PLLP: variants seen among roughly 807,000 people sequenced by gnomAD.
PLLP encodes plasma membrane proteolipid (plasmolipin).
A neutral mutation model predicts 19.7 loss-of-function variants in PLLP; 15 were observed. The ratio of observed to expected loss-of-function variants is 0.76; its 90% CI spans 0.51 to 1.17. PLLP has a LOEUF of 1.17. Ranked by LOEUF, PLLP falls within the 50% of genes most tolerant of loss-of-function variation. PLLP has a pLI of 0.00. For synonymous variants in PLLP, 111 were observed against 116.3 expected (o/e 0.95, Z 0.29); for missense variants, 255 against 258.3 (o/e 0.99, Z 0.09).
chr16:57,262,271 G>C (rs1210327300), intron 1 of PLLP, among the ~76,000 whole-genome samples: 1 of 152,130 alleles, frequency 6.6e-6, no homozygotes, highest in African/African-American at 2.4e-5. Context: ...AAAAATTAAG[G>C]CCGGGCGCAG....
chr16:57,282,335 C>T (rs1274311745), intron 1 of PLLP, among the ~76,000 whole-genome samples: 1 of 151,954 alleles, frequency 6.6e-6, no homozygotes, highest in Non-Finnish European at 1.5e-5. Context: ...CTCAAACTCC[C>T]AGGCACAAGG....
chr16:57,262,040 C>T lies in PLLP; in HGVS notation c.166G>A (p.Ala56Thr), dbSNP rs35467222. The change falls in exon 2 of 4, where the codon GCG becomes ACG. Residue 56 changes from alanine to threonine, a missense_variant. Transcript: ENST00000219207. ...GGATACAGGTGGTACGGGGTGTCCGCAATCAGCGCCCACACCAGCAGCCCC... is the reference window on the plus strand; with the variant it reads ...GGATACAGGTGGTACGGGGTGTCCGTAATCAGCGCCCACACCAGCAGCCCC... ...VLGLLVWALIADTPYHLYPAY... is the reference protein window; with the variant it reads ...VLGLLVWALITDTPYHLYPAY... 1.9e-5 allele frequency: 31 copies of T among 1,614,204 alleles called. No individual in the cohort carries two copies. The African/African-American group carries it at 3.7e-4, about 19-fold the overall frequency.
chr16:57,275,879 G>T (rs1210368804), intron 1 of PLLP, among the ~76,000 whole-genome samples: 2 of 152,202 alleles, frequency 1.3e-5, no homozygotes, highest in Non-Finnish European at 2.9e-5. Flanking sequence ...ACTTTGGGAG[G>T]CCGAGGCAGG....
chr16:57,274,687 A>C (rs1356631555), intron 1 of PLLP, among the ~76,000 whole-genome samples: 1 of 151,854 alleles, frequency 6.6e-6, no homozygotes, highest in Non-Finnish European at 1.5e-5. Context: ...TCCTGACCTC[A>C]GGCGATCTGC....
At chr16:57,278,418 A>G (rs1476192492) in intron 1 of PLLP, among the ~76,000 whole-genome samples, 2 of 152,238 alleles carry the variant, frequency 1.3e-5, no homozygotes, top group Non-Finnish European at 2.9e-5. Context: ...TCAAAAGTGC[A>G]CAGGAAAAAA....
rs561655542 is a variant in PLLP, at chr16:57,281,701, T to C, written c.135+2705A>G. ...AATTTTGTTGTATTTTTAGTAGAGA[T>C]GGGGTTTCACCCTGTTAGCCGGGAT... On this transcript the variant is annotated intron_variant, in intron 1 of 3. Coordinates refer to ENST00000219207, the MANE Select transcript of PLLP (RefSeq NM_015993.3). 3.5e-4 allele frequency among the ~76,000 whole-genome samples: 53 copies of C among 151,998 alleles called. No homozygotes were observed. In the South Asian group the frequency reaches 1.0e-2, roughly 29 times the overall value.
chr16:57,278,616 G>A (rs1418637753), intron 1 of PLLP, among the ~76,000 whole-genome samples: 1 of 152,146 alleles, frequency 6.6e-6, no homozygotes, highest in South Asian at 2.1e-4. Context: ...GGAGTGTGGG[G>A]GGAACTAACA....
intron 1 of PLLP, among the ~76,000 whole-genome samples, chr16:57,277,952 T>C (rs1597965705): frequency 1.3e-5 from 2 of 152,204 alleles, no homozygotes; most frequent in Middle Eastern, 6.8e-3. Flanking sequence ...AATAAAACAA[T>C]TCCATCAGTA....
At chr16:57,277,678 A>G (rs1181477300) in intron 1 of PLLP, among the ~76,000 whole-genome samples, 4 of 152,178 alleles carry the variant, frequency 2.6e-5, no homozygotes, top group African/African-American at 9.7e-5. Context: ...CTGATACAGA[A>G]TATCCCTAGG....
rs1358058222 is a variant in PLLP at position 57,283,043 on chromosome 16, A to G, written c.135+1363T>C. 2.6e-5 allele frequency among the ~76,000 whole-genome samples: 4 copies of G among 152,134 alleles called. No homozygotes were observed. In the East Asian group the frequency reaches 7.7e-4, roughly 29 times the overall value. On this transcript the variant is annotated intron_variant, in intron 1 of 3. Coordinates refer to ENST00000219207, the MANE Select transcript of PLLP (RefSeq NM_015993.3). The stretch of plus-strand genomic sequence containing the variant: ...TGGCTCTCCCCATCTGCAGAATTAA[A>G]TGATTCCAGGAACTAGACCTCTTCC...
intron 1 of PLLP, among the ~76,000 whole-genome samples, chr16:57,279,530 C>G (rs1430161717): frequency 1.3e-5 from 2 of 151,964 alleles, no homozygotes; most frequent in African/African-American, 4.8e-5. Context: ...AAAACTTAGC[C>G]AGGCATTGTG....
At chr16:57,257,786 G>A (rs2075430412) in intron 3 of PLLP, among the ~76,000 whole-genome samples, 1 of 152,198 alleles carries the variant, frequency 6.6e-6, no homozygotes, top group Non-Finnish European at 1.5e-5. Flanking sequence ...AAAGGTTTTT[G>A]CACGTGCACT....
intron 1 of PLLP, among the ~76,000 whole-genome samples, chr16:57,274,363 T>C (rs1644732801): frequency 6.6e-6 from 1 of 152,238 alleles, no homozygotes; most frequent in African/African-American, 2.4e-5. Context: ...AGATGTAATA[T>C]ATATGACATG....
At chr16:57,271,332 C>T (rs1368875856) in intron 1 of PLLP, among the ~76,000 whole-genome samples, 1 of 151,962 alleles carries the variant, frequency 6.6e-6, no homozygotes, top group Non-Finnish European at 1.5e-5. Flanking sequence ...GCTGTGAGGT[C>T]CCCGCTTAGG....
intron 1 of PLLP, among the ~76,000 whole-genome samples, chr16:57,269,515 C>T (rs1351512483): frequency 6.6e-6 from 1 of 152,112 alleles, no homozygotes; most frequent in African/African-American, 2.4e-5. Context: ...CGTGAGCAGT[C>T]GTGAAGGCTA....
In PLLP at chr16:57,262,067, G is replaced by C. The variant is rs1297321263; in HGVS notation, c.139C>G (p.Leu47Val). 1 of 1,614,174 alleles carries C rather than the reference G, an allele frequency of 6.2e-7. No homozygotes were observed. Among genetic ancestry groups the C allele is most frequent in the Admixed American group, 1.7e-5 (1 of 60,028 alleles). Residue 47 changes from leucine to valine, a missense_variant, in exon 2 of 4, where the codon CTG (leucine) becomes GTG (valine). Transcript: ENST00000219207. The stretch of plus-strand genomic sequence containing the variant: ...ATCAGCGCCCACACCAGCAGCCCCA[G>C]CACCTAGGAGGGTCAGACAAGGCAG... ...LGALMLLQLV[L>V]GLLVWALIAD...
chr16:57,282,490 C>T (rs1901232726), intron 1 of PLLP, among the ~76,000 whole-genome samples: 1 of 151,860 alleles, frequency 6.6e-6, no homozygotes, highest in Non-Finnish European at 1.5e-5. Flanking sequence ...ACAAGCAATC[C>T]TCCTGTCCAT....
intron 2 of PLLP, among the ~76,000 whole-genome samples, chr16:57,261,294 C>T (rs2075441032): frequency 6.6e-6 from 1 of 152,118 alleles, no homozygotes. Flanking sequence ...CGTGAGCCAC[C>T]ACACCCGGCC....
At chr16:57,273,623 T>G (rs1027818695) in intron 1 of PLLP, among the ~76,000 whole-genome samples, 14 of 152,246 alleles carry the variant, frequency 9.2e-5, no homozygotes, top group Non-Finnish European at 7.4e-5. Flanking sequence ...GGTTCCCAAT[T>G]ACCATGGAGA....
Sources: allele counts gnomAD v4.1 joint callset (sites outside exome capture counted in the v4.1 genomes callset), GRCh38; gene constraint gnomAD v4.1.1; transcripts MANE v1.5; gene names NCBI Gene and HGNC (gene_info 2026-07-23, HGNC 2026-07-21).